The following TRMT10B variants were observed in gnomAD, a reference collection of about 807,000 sequenced individuals.
TRMT10B encodes tRNA methyltransferase 10B, also known as tRNA methyltransferase 10 homolog B.
Under a neutral mutation model 43.8 loss-of-function variants are expected in TRMT10B, and 33 were observed. The ratio of observed to expected loss-of-function variants is 0.75; its 90% CI spans 0.57 to 1.01. The LOEUF (loss-of-function observed/expected upper bound fraction) is 1.01, where lower values mean the gene tolerates loss of function less well. TRMT10B is among the 50% of genes least tolerant of loss of function. The pLI, the probability that TRMT10B is intolerant of heterozygous loss-of-function variation, is 0.00. For missense variants in TRMT10B, 362 were observed against 369.8 expected (o/e 0.98, Z 0.17); for synonymous variants, 137 against 130.6 (o/e 1.05, Z -0.34).
upstream of TRMT10B, among the ~76,000 whole-genome samples, chr9:37,752,983 C>T (rs191820770): frequency 3.9e-5 from 6 of 152,262 alleles, no homozygotes; most frequent in African/African-American, 9.6e-5. Flanking sequence ...CCCTTTGGGT[C>T]CCTACTGTCT....
chr9:37,757,540 CAA>C (rs1825853910), intron 1 of TRMT10B, among the ~76,000 whole-genome samples: 1 of 152,164 alleles, frequency 6.6e-6, no homozygotes. Flanking sequence ...CAAATGGACA[CAA>C]ATTTCAAATC....
rs1828429105 is a variant in TRMT10B at position 37,778,603 on chromosome 9, C to T, written c.*896C>T. ...TTTTGTACATCTATTTGTGAGAGAC[C>T]TCTTGAAATTGTTTAAATGGTTACA... On this transcript the variant is annotated 3_prime_UTR_variant, in exon 9 of 9. Coordinates refer to ENST00000297994, the MANE Select transcript of TRMT10B (RefSeq NM_144964.4). The T allele has an allele frequency of 6.6e-6, 1 of 152,126 alleles. No homozygotes were observed. The highest frequency in any genetic ancestry group is 6.5e-5 in the Admixed American group (1 of 15,276). 9.4% of individuals were successfully genotyped at this position (152,126 alleles called of 1,614,324 possible).
intron 1 of TRMT10B, among the ~76,000 whole-genome samples, chr9:37,758,390 C>T (rs549713080): frequency 6.6e-6 from 1 of 152,282 alleles, no homozygotes; most frequent in Admixed American, 6.5e-5. Context: ...CCAGCCTGGG[C>T]AACAGAGTGA....
chr9:37,762,306 A>T (rs944085934), intron 2 of TRMT10B, among the ~76,000 whole-genome samples, 189 bp downstream of exon 2: 1 of 152,224 alleles, frequency 6.6e-6, no homozygotes, highest in Non-Finnish European at 1.5e-5. Context: ...TTCAAAAGGA[A>T]TTTTTGATAT....
chr9:37,769,500 T>C (rs1052407752), intron 5 of TRMT10B: 1 of 169,428 alleles, frequency 5.9e-6, no homozygotes, highest in Non-Finnish European at 1.3e-5. Context: ...CTTTCCCTCC[T>C]AACTAGGTAC....
upstream of TRMT10B, chr9:37,753,794 C>CCGGGGG (rs1178485590): frequency 6.6e-6 from 1 of 152,198 alleles, no homozygotes; most frequent in East Asian, 1.9e-4. Flanking sequence ...GGAAGCGAGG[C>CCGGGGG]CGGGGGCGGG....
chr9:37,767,513 C>CAAAAAGAAAAAAA (rs1827105543), intron 4 of TRMT10B: 1 of 78,048 alleles, frequency 1.3e-5, no homozygotes, highest in Non-Finnish European at 2.3e-5. Context: ...ACCCTGTCTC[C>CAAAAAGAAAAAAA]AAAAAAAAAA....
intron 4 of TRMT10B, chr9:37,767,512 C>CAAAAAAAAAAAAAAAAAAAAAAAAAAAAA (rs1376563452): frequency 3.3e-4 from 20 of 60,844 alleles, no homozygotes; most frequent in Non-Finnish European, 5.0e-4. Context: ...GACCCTGTCT[C>CAAAAAAAAAAAAAAAAAAAAAAAAAAAAA]CAAAAAAAAA....
upstream of TRMT10B, among the ~76,000 whole-genome samples, chr9:37,752,969 C>T (rs186996030): frequency 2.9e-3 from 440 of 152,310 alleles, 4 homozygotes; most frequent in Non-Finnish European, 4.3e-3. Flanking sequence ...TTGTTGCTTG[C>T]TAACCCTTTG....
chr9:37,776,529 C>T (rs1432381244), intron 8 of TRMT10B, 124 bp downstream of exon 8: 14 of 1,205,490 alleles, frequency 1.2e-5, no homozygotes, highest in East Asian at 5.8e-5. Context: ...ATTGCATGTA[C>T]GTCATGACAT....
chr9:37,753,298 G>A (rs1825156223), upstream of TRMT10B, among the ~76,000 whole-genome samples: 1 of 152,202 alleles, frequency 6.6e-6, no homozygotes, highest in Non-Finnish European at 1.5e-5. Flanking sequence ...TATCAGGTTG[G>A]AATTTGATAT....
chr9:37,761,647 A>C (rs1052403745), intron 1 of TRMT10B, among the ~76,000 whole-genome samples: 1 of 152,206 alleles, frequency 6.6e-6, no homozygotes, highest in African/African-American at 2.4e-5. Context: ...GCAGTGAGCC[A>C]AGATCACACC....
intron 6 of TRMT10B, 122 bp from the exon 7 acceptor site, chr9:37,770,548 CAA>C (rs1177431458): frequency 1.1e-6 from 1 of 896,286 alleles, no homozygotes; most frequent in African/African-American, 1.7e-5. Context: ...TTTTATTGAG[CAA>C]GTTTCTTTTT....
At chr9:37,775,485 T>A (rs1263927495) in intron 7 of TRMT10B, among the ~76,000 whole-genome samples, 1 of 152,164 alleles carries the variant, frequency 6.6e-6, no homozygotes, top group African/African-American at 2.4e-5. Context: ...CTAAATGGCC[T>A]CAAGTTGATG....
Position 37,763,765 on chromosome 9 carries a change from A to G in TRMT10B, c.420+12A>G, listed in dbSNP as rs926714191. On this transcript the variant is annotated intron_variant, in intron 4 of 8. Coordinates refer to ENST00000297994, the MANE Select transcript of TRMT10B (RefSeq NM_144964.4). ...ACATGTCAAAGAAGGTAGAACATCCACTAAGCCTGGAATTCCTGCTCGCCA... is the reference window on the plus strand; with the variant it reads ...ACATGTCAAAGAAGGTAGAACATCCGCTAAGCCTGGAATTCCTGCTCGCCA... The G allele has an allele frequency of 2.5e-6, 4 of 1,613,640 alleles. No individual in the cohort carries two copies. Among genetic ancestry groups the G allele is most frequent in the African/African-American group, 2.7e-5 (2 of 74,912 alleles).
intron 1 of TRMT10B, among the ~76,000 whole-genome samples, chr9:37,757,961 T>G (rs1179354543): frequency 2.0e-5 from 3 of 152,164 alleles, no homozygotes; most frequent in Non-Finnish European, 4.4e-5. Context: ...CAACTAAAGT[T>G]TGGCCCAATT....
intron 4 of TRMT10B, 143 bp from the exon 5 acceptor site, chr9:37,767,933 G>A (rs1248179912): frequency 4.3e-6 from 3 of 699,624 alleles, no homozygotes; most frequent in Non-Finnish European, 7.0e-6. Context: ...GATGCCATAA[G>A]GTATAATACA....
At chr9:37,759,268 T>C (rs556153506) in intron 1 of TRMT10B, among the ~76,000 whole-genome samples, 1 of 152,320 alleles carries the variant, frequency 6.6e-6, no homozygotes, top group East Asian at 1.9e-4. Flanking sequence ...AATTGTGATA[T>C]ATTCATACAA....
chr9:37,761,135 A>G (rs1050404897), intron 1 of TRMT10B, among the ~76,000 whole-genome samples: 1 of 152,212 alleles, frequency 6.6e-6, no homozygotes, highest in Admixed American at 6.5e-5. Flanking sequence ...TCACTCTACT[A>G]TATACATTGG....
Sources: gnomAD v4.1 joint callset for allele counts (sites outside exome capture counted in the v4.1 genomes callset) on GRCh38, gnomAD v4.1.1 for gene constraint, MANE v1.5 for transcripts, NCBI Gene and HGNC (gene_info 2026-07-23, HGNC 2026-07-21) for gene names.